Variants in EFCAB9 observed in about 807,000 individuals in gnomAD.
EFCAB9 encodes EF-hand calcium-binding domain-containing protein 9.
Under a neutral mutation model 15.6 loss-of-function variants are expected in EFCAB9, and 16 were observed. That is an observed-to-expected ratio of 1.03 (90% CI 0.69 to 1.56). The LOEUF (loss-of-function observed/expected upper bound fraction) is 1.56. Among genes scored for constraint, EFCAB9 ranks in the 40% most tolerant of loss-of-function variants. The pLI is 0.00. For missense variants in EFCAB9, 208 were observed against 235.4 expected, an observed-to-expected ratio of 0.88 and a Z score of 0.76; for synonymous variants, 76 against 85.4, an observed-to-expected ratio of 0.89 and a Z score of 0.61.
At chr5:172,199,354 CA>C (rs762974958) in intron 1 of EFCAB9, 28 bp from the exon 2 acceptor site, 1 of 1,535,188 alleles carries the variant, frequency 6.5e-7, no homozygotes, top group South Asian at 1.2e-5. Flanking sequence ...ATCCAAATAA[CA>C]CATCTCCTCA....
chr5:172,197,386 C>G (rs1771181305), intron 1 of EFCAB9, among the ~76,000 whole-genome samples: 1 of 152,174 alleles, frequency 6.6e-6, no homozygotes, highest in Non-Finnish European at 1.5e-5. Flanking sequence ...GGATTACAGG[C>G]ATGAGCCACC....
chr5:172,199,590 G>C lies in EFCAB9; in HGVS notation c.285+59G>C. On this transcript the variant is annotated intron_variant, in intron 2 of 3. Transcript: ENST00000398186. ...CTAATGGGAGCACTGAATTAGGAAT[G>C]CATCAGAAGTTTTCCTCCTTTCACT... is the stretch of plus-strand genomic sequence containing the variant. 2.0e-6 allele frequency: 3 copies of C among 1,509,234 alleles called. No homozygotes were observed. In the South Asian group the frequency reaches 3.7e-5, roughly 19 times the overall value. The allele number at this position is 1,509,234 out of a possible 1,614,324, so 93.5% of individuals were successfully genotyped here.
intron 2 of EFCAB9, among the ~76,000 whole-genome samples, chr5:172,199,932 C>CTTTT (rs34086491): frequency 2.5e-4 from 26 of 102,330 alleles, no homozygotes; most frequent in Non-Finnish European, 3.3e-4. Context: ...ACCCAGTTTC[C>CTTTT]TTTTTTTTTT....
chr5:172,198,205 T>C (rs72845190), intron 1 of EFCAB9, among the ~76,000 whole-genome samples: 14,354 of 152,256 alleles, frequency 0.094, 679 homozygotes, highest in Admixed American at 0.13. Flanking sequence ...TAGTGAAATG[T>C]GGCATTTAAA....
Position 172,203,390 on chromosome 5 carries a change from C to G in EFCAB9, c.*45C>G. The G allele has an allele frequency of 6.6e-7, 1 of 1,510,120 alleles. No homozygotes were observed. The highest frequency in any genetic ancestry group is 8.8e-7 in the Non-Finnish European group (1 of 1,136,952). The allele number at this position is 1,510,120 out of a possible 1,614,324, so 93.5% of individuals were successfully genotyped here. A position where few individuals can be genotyped will look rare whatever the true frequency, so the allele number is the denominator to read the frequency against. On this transcript the variant is annotated 3_prime_UTR_variant, in exon 4 of 4. Transcript: ENST00000398186. ...TGGAAAAAAATGGGATCTGAAAGTA[C>G]AGAACATGAACATTGATGAAGACTG... is the stretch of plus-strand genomic sequence containing the variant.
intron 1 of EFCAB9, among the ~76,000 whole-genome samples, chr5:172,196,362 CG>C (rs1344520457): frequency 6.6e-6 from 1 of 151,630 alleles, no homozygotes; most frequent in African/African-American, 2.4e-5. Flanking sequence ...TACACAGATA[CG>C]TTTTACCTAT....
chr5:172,200,579 G>C lies in EFCAB9; in HGVS notation c.299G>C (p.Gly100Ala). 1 of 1,536,164 alleles carries C rather than the reference G, an allele frequency of 6.5e-7. No homozygotes were observed. Among genetic ancestry groups the C allele is most frequent in the Non-Finnish European group, 8.7e-7 (1 of 1,146,574 alleles). ...CTCTCGCAATAGAACCATTTGGAAG[G>C]ACAGTTTATGTATCGTCATTCCCGG... The part of the protein sequence containing the change: ...MLLAHQNHLE[G>A]QFMYRHSRPV... Residue 100 changes from glycine to alanine, a missense_variant, in exon 3 of 4, where the codon GGA becomes GCA. Gly to Ala is a moderately conservative substitution (Grantham distance 60, BLOSUM62 0). Transcript: ENST00000398186.
At chr5:172,201,389 C>G (rs1771254490) in intron 3 of EFCAB9, among the ~76,000 whole-genome samples, 1 of 147,268 alleles carries the variant, frequency 6.8e-6, no homozygotes, top group Admixed American at 6.7e-5. Context: ...ACAACAACAA[C>G]AACAAAAATT....
At chr5:172,200,358 G>A (rs1771236402) in intron 2 of EFCAB9, among the ~76,000 whole-genome samples, 1 of 152,172 alleles carries the variant, frequency 6.6e-6, no homozygotes, top group African/African-American at 2.4e-5. Context: ...ATTACAAGAG[G>A]CAGAATTCAA....
chr5:172,201,935 G>A (rs1771261937), intron 3 of EFCAB9, among the ~76,000 whole-genome samples: 2 of 152,214 alleles, frequency 1.3e-5, no homozygotes, highest in Non-Finnish European at 2.9e-5. Flanking sequence ...TGGCAGCTAA[G>A]GTTGAAAACA....
chr5:172,199,614 C>A, intron 2 of EFCAB9, 83 bp downstream of exon 2: 1 of 1,472,906 alleles, frequency 6.8e-7, no homozygotes. Context: ...CCTCCTTTCA[C>A]TAAAAAGAGG....
At position 172,200,491 on chromosome 5, in the gene EFCAB9, A is replaced by T. The variant is rs1018151190; in HGVS notation, c.286-75A>T. ...CTCTAGGGAAGGGGCTGGTGAAGAT[A>T]TGTCTTGAGGAAACAAGTTTAGAAA... On this transcript the variant is annotated intron_variant, in intron 2 of 3. Coordinates refer to ENST00000398186, the MANE Select transcript of EFCAB9 (RefSeq NM_001171183.2). The T allele has an allele frequency of 1.6e-5, 22 of 1,400,102 alleles. No homozygotes were observed. The African/African-American group carries it at 3.2e-4, about 20-fold the overall frequency. 86.7% of individuals were successfully genotyped at this position (1,400,102 alleles called of 1,614,324 possible). A position where few individuals can be genotyped will look rare whatever the true frequency, so the allele number is the denominator to read the frequency against.
At chr5:172,198,675 A>G (rs1440662032) in intron 1 of EFCAB9, among the ~76,000 whole-genome samples, 2 of 152,098 alleles carry the variant, frequency 1.3e-5, no homozygotes, top group African/African-American at 4.8e-5. Flanking sequence ...GGAGTGCAGC[A>G]GCACGATCTT....
intron 2 of EFCAB9, among the ~76,000 whole-genome samples, chr5:172,199,751 C>T (rs779634542): frequency 1.4e-4 from 21 of 152,110 alleles, no homozygotes; most frequent in Non-Finnish European, 2.9e-4. Context: ...TCGTAAAGGA[C>T]AGATGTGGCC....
intron 1 of EFCAB9, among the ~76,000 whole-genome samples, chr5:172,198,120 C>G (rs1180348467): frequency 2.0e-5 from 3 of 152,128 alleles, no homozygotes; most frequent in Non-Finnish European, 4.4e-5. Context: ...TCTCCAAGTC[C>G]CCACTCGACC....
chr5:172,196,491 A>G (rs1181231769), intron 1 of EFCAB9, among the ~76,000 whole-genome samples: 1 of 150,960 alleles, frequency 6.6e-6, no homozygotes, highest in Admixed American at 6.6e-5. Flanking sequence ...GGTTCAAGCG[A>G]TTCTCCTCCC....
Position 172,199,538 on chromosome 5 carries a change from A to G in EFCAB9, c.285+7A>G. On this transcript the variant is annotated splice_region_variant and intron_variant, in intron 2 of 3. Coordinates refer to ENST00000398186, the MANE Select transcript of EFCAB9 (RefSeq NM_001171183.2). ...CATGCTGCTGGCCCACCAGGCAAGTAGCCGCGCGGCTGCTGCCATCCTCTT... is the reference window on the plus strand; with the variant it reads ...CATGCTGCTGGCCCACCAGGCAAGTGGCCGCGCGGCTGCTGCCATCCTCTT... 6.5e-7 allele frequency: 1 copy of G among 1,537,052 alleles called. No homozygotes were observed. Among genetic ancestry groups the G allele is most frequent in the Non-Finnish European group, 8.7e-7 (1 of 1,146,816 alleles).
At chr5:172,199,355 A>G in intron 1 of EFCAB9, 28 bp from the exon 2 acceptor site, 2 of 1,535,584 alleles carry the variant, frequency 1.3e-6, no homozygotes, top group Non-Finnish European at 1.7e-6. Context: ...TCCAAATAAC[A>G]CATCTCCTCA....
intron 1 of EFCAB9, 37 bp from the exon 2 acceptor site, chr5:172,199,346 C>T (rs978974404): frequency 6.5e-6 from 10 of 1,533,288 alleles, no homozygotes; most frequent in Non-Finnish European, 8.7e-6. Context: ...GGAACTATAT[C>T]CAAATAACAC....
Sources: allele counts gnomAD v4.1 joint callset (sites outside exome capture counted in the v4.1 genomes callset), GRCh38; gene constraint gnomAD v4.1.1; transcripts MANE v1.5; gene names NCBI Gene and HGNC (gene_info 2026-07-23, HGNC 2026-07-21).